NPR3: variants seen among roughly 807,000 people sequenced by gnomAD.
The protein encoded by NPR3 is atrial natriuretic peptide receptor 3.
NPR3 carries 34 observed loss-of-function variants against 54.5 expected under a neutral mutation model. The observed-to-expected ratio is 0.62, with a 90% confidence interval of 0.47 to 0.83. The LOEUF (loss-of-function observed/expected upper bound fraction) is 0.83. Among genes scored for constraint, NPR3 ranks in the 40% least tolerant of loss-of-function variants. The probability of loss-of-function intolerance (pLI) is 0.00; values close to 1 mark genes in which losing one functional copy is unlikely to be tolerated. For synonymous variants in NPR3, 289 were observed against 297.1 expected (o/e 0.97, Z 0.28); for missense variants, 674 against 720.8 (o/e 0.94, Z 0.74).
chr5:32,704,391 TGTG>T lies in NPR3; in HGVS notation c.100+15206_100+15208del. The stretch of plus-strand genomic sequence containing the variant: ...CTCTTTGTGTGTGTGTGTGTGTGTG[TGTG>T]TGTGTGTGTATAGTTGTTCAATTTG... On this transcript the variant is annotated intron_variant, in intron 1 of 5. Transcript: ENST00000509104. 1.3e-5 allele frequency among the ~76,000 whole-genome samples: 2 copies of T among 151,894 alleles called. 1 individual carries two copies. Among genetic ancestry groups the T allele is most frequent in the Admixed American group, 1.3e-4 (2 of 15,246 alleles).
intron 2 of NPR3, among the ~76,000 whole-genome samples, chr5:32,736,946 T>C (rs1739779554): frequency 2.0e-5 from 3 of 152,220 alleles, no homozygotes; most frequent in Non-Finnish European, 4.4e-5. Flanking sequence ...TAATAAATGG[T>C]TGCTATTATT....
intron 1 of NPR3, among the ~76,000 whole-genome samples, chr5:32,715,977 C>T (rs888591748): frequency 6.6e-6 from 1 of 152,126 alleles, no homozygotes; most frequent in Non-Finnish European, 1.5e-5. Flanking sequence ...AGTGGTCAAT[C>T]AGCAGCATTT....
chr5:32,736,587 C>T (rs948458856), intron 2 of NPR3, among the ~76,000 whole-genome samples: 2 of 152,162 alleles, frequency 1.3e-5, no homozygotes, highest in African/African-American at 4.8e-5. Context: ...AAGCAATGGG[C>T]TCCTCCATTG....
chr5:32,763,532 T>C (rs1298969048), intron 3 of NPR3, among the ~76,000 whole-genome samples: 3 of 151,766 alleles, frequency 2.0e-5, no homozygotes, highest in African/African-American at 7.3e-5. Context: ...CAGGCTCATC[T>C]TGAATTTCTG....
At chr5:32,775,349 C>T (rs1311195986) in intron 4 of NPR3, among the ~76,000 whole-genome samples, 1 of 148,832 alleles carries the variant, frequency 6.7e-6, no homozygotes, top group South Asian at 2.1e-4. Flanking sequence ...GGCTGGAGTT[C>T]AGTGGCACGA....
At chr5:32,773,424 C>T (rs1407899973) in intron 3 of NPR3, among the ~76,000 whole-genome samples, 1 of 152,070 alleles carries the variant, frequency 6.6e-6, no homozygotes, top group Non-Finnish European at 1.5e-5. Context: ...GAAGACAGTC[C>T]AAGTTCCTCA....
chr5:32,733,099 C>A (rs545527354), intron 2 of NPR3, among the ~76,000 whole-genome samples: 1 of 152,262 alleles, frequency 6.6e-6, no homozygotes, highest in South Asian at 2.1e-4. Context: ...CCTGCCTCGG[C>A]CTCCCAAAGT....
chr5:32,783,180 C>G, intron 6 of NPR3, 152 bp downstream of exon 6: 1 of 598,650 alleles, frequency 1.7e-6, no homozygotes, highest in East Asian at 3.1e-5. Flanking sequence ...AGTTCACAAA[C>G]TGGCATCTTT....
At chr5:32,781,298 C>T (rs11745562) in intron 5 of NPR3, among the ~76,000 whole-genome samples, 33,515 of 152,148 alleles carry the variant, frequency 0.22, 3,794 homozygotes, top group South Asian at 0.3. Context: ...ACATGGAAAT[C>T]ATCATGTCTT....
intron 3 of NPR3, among the ~76,000 whole-genome samples, chr5:32,772,316 C>A (rs1197705501): frequency 1.3e-5 from 2 of 152,196 alleles, no homozygotes; most frequent in East Asian, 1.9e-4. Context: ...TGAGATGGTA[C>A]TAAACCTCCA....
At chr5:32,786,093 A>G in intron 7 of NPR3, 141 bp from the exon 8 acceptor site, 1 of 584,940 alleles carries the variant, frequency 1.7e-6, no homozygotes, top group East Asian at 3.1e-5. Flanking sequence ...CACTACTTTA[A>G]TCTCTGACCA....
chr5:32,700,517 G>A (rs1236520652), intron 1 of NPR3, among the ~76,000 whole-genome samples: 2 of 151,870 alleles, frequency 1.3e-5, no homozygotes, highest in Non-Finnish European at 2.9e-5. Flanking sequence ...ATTTACATTA[G>A]GTATTTCTCC....
At chr5:32,758,997 A>G (rs977549757) in intron 3 of NPR3, among the ~76,000 whole-genome samples, 5 of 152,122 alleles carry the variant, frequency 3.3e-5, no homozygotes, top group Non-Finnish European at 7.3e-5. Flanking sequence ...GTTCTTTTAC[A>G]TTTTCTGAGG....
chr5:32,705,363 C>T (rs932370371), upstream of NPR3, among the ~76,000 whole-genome samples: 14 of 152,282 alleles, frequency 9.2e-5, no homozygotes, highest in Admixed American at 6.5e-4. Context: ...TCTCACACTG[C>T]TATAAAGAAA....
At chr5:32,725,023 C>A (rs1478563848) in intron 2 of NPR3, among the ~76,000 whole-genome samples, 1 of 152,040 alleles carries the variant, frequency 6.6e-6, no homozygotes, top group African/African-American at 2.4e-5. Context: ...AATGCAGGAA[C>A]AGAAAATCAA....
At chr5:32,725,071 T>C (rs1739070120) in intron 2 of NPR3, among the ~76,000 whole-genome samples, 1 of 152,026 alleles carries the variant, frequency 6.6e-6, no homozygotes, top group African/African-American at 2.4e-5. Flanking sequence ...GAGCTAAACA[T>C]TGAGCAAATA....
At chr5:32,743,211 A>G (rs1037013445) in intron 3 of NPR3, among the ~76,000 whole-genome samples, 9 of 152,206 alleles carry the variant, frequency 5.9e-5, no homozygotes, top group Admixed American at 4.6e-4. Context: ...ACTTTTTAGT[A>G]GAGGTAATTG....
intron 1 of NPR3, chr5:32,713,556 C>CCTCGGCAAGGAACCCACA: frequency 1.2e-6 from 1 of 824,070 alleles, no homozygotes; most frequent in South Asian, 5.5e-5. Flanking sequence ...CCCCTTGGCG[C>CCTCGGCAAGGAACCCACA]TCACGCGCCT....
At chr5:32,721,515 C>T (rs1738862533) in intron 1 of NPR3, among the ~76,000 whole-genome samples, 1 of 152,086 alleles carries the variant, frequency 6.6e-6, no homozygotes, top group South Asian at 2.1e-4. Flanking sequence ...TGGTAACATG[C>T]ACCTGTAGTC....
Sources: gnomAD v4.1 joint callset for allele counts (sites outside exome capture counted in the v4.1 genomes callset) on GRCh38, gnomAD v4.1.1 for gene constraint, MANE v1.5 for transcripts, NCBI Gene and HGNC (gene_info 2026-07-23, HGNC 2026-07-21) for gene names.